COX7B: variants seen among roughly 807,000 people sequenced by gnomAD.
COX7B encodes cytochrome c oxidase subunit 7B, mitochondrial.
In COX7B, 2 loss-of-function variants were observed where a neutral mutation model predicts 7.9. That is an observed-to-expected ratio of 0.25 (90% CI 0.10 to 0.79). The LOEUF (loss-of-function observed/expected upper bound fraction) is 0.79. Ranked by LOEUF, COX7B falls within the 30% of genes least tolerant of loss-of-function variation. The pLI, the probability that COX7B is intolerant of heterozygous loss-of-function variation, is 0.69. For missense variants in COX7B, 54 were observed against 62.7 expected (o/e 0.86, Z 0.47); for synonymous variants, 19 against 21.1 (o/e 0.90, Z 0.27).
At chrX:77,901,405 G>T (rs782004726) in intron 1 of COX7B, among the ~76,000 whole-genome samples, 6 of 107,738 alleles carry the variant, frequency 5.6e-5, no homozygotes, top group Admixed American at 1.0e-4. Context: ...ACCTTTGGAG[G>T]CTCTTTAAAA....
intron 2 of COX7B, 102 bp downstream of exon 2, chrX:77,902,869 G>A: frequency 1.3e-6 from 1 of 793,890 alleles, no homozygotes; most frequent in South Asian, 3.0e-5. Flanking sequence ...TAGTTAGGAG[G>A]GACTTGAGAG....
rs1163815087 is a variant in COX7B at position 77,906,973 on chromosome X, T to A, written c.*1712T>A. 1.0e-5 allele frequency: 1 copy of A among 100,488 alleles called. No individual in the cohort carries two copies. The highest frequency in any genetic ancestry group is 1.9e-5 in the Non-Finnish European group (1 of 52,936). 8.3% of individuals were successfully genotyped at this position (100,488 alleles called of 1,213,427 possible). On this transcript the variant is annotated 3_prime_UTR_variant, in exon 3 of 3. Coordinates refer to ENST00000650309, the MANE Select transcript of COX7B (RefSeq NM_001866.3). ...GCTGAGAGCTGTAGTCTGTGGTAGT[T>A]GTTTTGTTTTGTTTTTTGTTTTTTT...
At position 77,899,529 on chromosome X, in the gene COX7B, C is replaced by T; in HGVS notation, c.-25C>T. 8.3e-7 allele frequency: 1 copy of T among 1,210,573 alleles called. No homozygotes were observed. Among genetic ancestry groups the T allele is most frequent in the Non-Finnish European group, 1.1e-6 (1 of 894,666 alleles). Reference sequence around the variant, plus strand: ...TGGCACCAAAGCAGCAGCTGTATTGCCGCAGTTCTAGCTTCACCTTCACGA... The same window carrying T: ...TGGCACCAAAGCAGCAGCTGTATTGTCGCAGTTCTAGCTTCACCTTCACGA... On this transcript the variant is annotated 5_prime_UTR_variant, in exon 1 of 3. Coordinates refer to ENST00000650309, the MANE Select transcript of COX7B (RefSeq NM_001866.3).
chrX:77,903,437 G>T lies in COX7B; in HGVS notation c.165+670G>T, dbSNP rs1010180957. Among the ~76,000 whole-genome samples, 3 of 109,437 alleles carry T rather than the reference G, an allele frequency of 2.7e-5. No individual in the cohort carries two copies. In the Admixed American group the frequency reaches 3.0e-4, roughly 11 times the overall value. ...TTGAACTCCTGACCTCAGGTGATCC[G>T]CCCGCCTTGGTTTCCCAAAGTGCTA... is the stretch of plus-strand genomic sequence containing the variant. On this transcript the variant is annotated intron_variant, in intron 2 of 2. Coordinates refer to ENST00000650309, the MANE Select transcript of COX7B (RefSeq NM_001866.3).
chrX:77,904,655 G>C (rs1370547927), intron 2 of COX7B, among the ~76,000 whole-genome samples: 2 of 107,436 alleles, frequency 1.9e-5, no homozygotes, highest in East Asian at 2.9e-4. Flanking sequence ...AAAAAAAAAA[G>C]TCTCAAAAAA....
chrX:77,900,442 G>A (rs1335779951), intron 1 of COX7B, among the ~76,000 whole-genome samples: 2 of 112,468 alleles, frequency 1.8e-5, no homozygotes, highest in East Asian at 2.8e-4. Flanking sequence ...GGTTGGGCAG[G>A]TACAGGGAGT....
intron 2 of COX7B, 80 bp from the exon 3 acceptor site, chrX:77,905,104 T>G (rs782800160): frequency 1.2e-6 from 1 of 802,872 alleles, no homozygotes; most frequent in East Asian, 3.2e-5. Context: ...GAACAGAATA[T>G]CTGTCATTTT....
chrX:77,901,678 T>TA lies in COX7B; in HGVS notation c.41-964dup, dbSNP rs781894213. The TA allele has an allele frequency of 2.7e-5, 3 of 111,733 alleles. No individual in the cohort carries two copies. In the East Asian group the frequency reaches 8.4e-4, roughly 31 times the overall value. The allele number at this position is 111,733 out of a possible 1,213,427, so 9.2% of individuals were successfully genotyped here. On this transcript the variant is annotated intron_variant, in intron 1 of 2. Transcript: ENST00000650309. ...ATGTGTAATCCTCTAGACTGGAAGT[T>TA]ACTTGAGGACAGGATCTCTGTCTTA...
intron 1 of COX7B, among the ~76,000 whole-genome samples, chrX:77,899,947 A>T (rs2077116337): frequency 8.9e-6 from 1 of 112,162 alleles, no homozygotes; most frequent in Admixed American, 9.5e-5. Context: ...CCTGTATAGA[A>T]AAATATCTTC....
chrX:77,904,058 G>A lies in COX7B; in HGVS notation c.166-1126G>A, dbSNP rs537012697. Among the ~76,000 whole-genome samples, 19 of 104,657 alleles carry A rather than the reference G, an allele frequency of 1.8e-4. No individual in the cohort carries two copies. The South Asian group carries it at 8.7e-3, about 48-fold the overall frequency. The allele number at this position is 104,657 out of a possible 115,157, so 90.9% of individuals were successfully genotyped here. A position where few individuals can be genotyped will look rare whatever the true frequency, so the allele number is the denominator to read the frequency against. ...CGCCATCCTCCTGCCTCAGCCTTCC[G>A]AGTAGCTGGGACTACAGGTGCCCAC... On this transcript the variant is annotated intron_variant, in intron 2 of 2. Coordinates refer to ENST00000650309, the MANE Select transcript of COX7B (RefSeq NM_001866.3).
intron 1 of COX7B, among the ~76,000 whole-genome samples, chrX:77,900,632 T>C (rs1162203436): frequency 2.7e-5 from 3 of 112,676 alleles, no homozygotes; most frequent in Admixed American, 1.9e-4. Flanking sequence ...AATAGAATCA[T>C]TGGAGGATAT....
In COX7B at chrX:77,905,481, G is replaced by GT. The variant is rs34296412; in HGVS notation, c.*247dup. 0.02 allele frequency: 1,352 copies of GT among 67,156 alleles called. 52 individuals carry two copies. The highest frequency in any genetic ancestry group is 0.03 in the Middle Eastern group (3 of 101). The allele number at this position is 67,156 out of a possible 1,213,427, so 5.5% of individuals were successfully genotyped here. On this transcript the variant is annotated 3_prime_UTR_variant, in exon 3 of 3. Coordinates refer to ENST00000650309, the MANE Select transcript of COX7B (RefSeq NM_001866.3). ...AAATGCTGTGCAGCTTCTTAAATAG[G>GT]TTTTTTTTTTTTTTTTTTTTTTTTT...
chrX:77,902,632 T>G lies in COX7B; in HGVS notation c.41-11T>G. ...ATATGCTTCTGTATTCTTTTTTCGT[T>G]TTCCTGTAAGTTCGAAGCATTCAGC... is the stretch of plus-strand genomic sequence containing the variant. On this transcript the variant is annotated splice_polypyrimidine_tract_variant and intron_variant, in intron 1 of 2. Coordinates refer to ENST00000650309, the MANE Select transcript of COX7B (RefSeq NM_001866.3). The G allele has an allele frequency of 8.3e-7, 1 of 1,208,815 alleles. No individual in the cohort carries two copies. The highest frequency in any genetic ancestry group is 1.1e-6 in the Non-Finnish European group (1 of 894,803).
chrX:77,903,072 C>T, intron 2 of COX7B: 1 of 152,454 alleles, frequency 6.6e-6, no homozygotes, highest in East Asian at 1.5e-4. Flanking sequence ...GTCCCCCAGG[C>T]TGGAGTGCAG....
chrX:77,904,018 C>T lies in COX7B; in HGVS notation c.166-1166C>T, dbSNP rs188623374. Among the ~76,000 whole-genome samples, 77 of 104,354 alleles carry T rather than the reference C, an allele frequency of 7.4e-4. 1 individual carries two copies. Among genetic ancestry groups the T allele is most frequent in the African/African-American group, 2.5e-3 (71 of 28,523 alleles). 90.6% of individuals were successfully genotyped at this position (104,354 alleles called of 115,157 possible). A position where few individuals can be genotyped will look rare whatever the true frequency, so the allele number is the denominator to read the frequency against. The stretch of plus-strand genomic sequence containing the variant: ...CGCGATCTCTGCTCACTGCAAACTC[C>T]GCCTCCCGGGTTCACGCCATCCTCC... On this transcript the variant is annotated intron_variant, in intron 2 of 2. Transcript: ENST00000650309.
chrX:77,902,890 C>G, intron 2 of COX7B, 123 bp downstream of exon 2: 2 of 648,456 alleles, frequency 3.1e-6, no homozygotes, highest in Non-Finnish European at 4.5e-6. Flanking sequence ...ATTGTGTAAT[C>G]TAATTACCCA....
chrX:77,904,556 C>T (rs913337093), intron 2 of COX7B, among the ~76,000 whole-genome samples: 38 of 107,484 alleles, frequency 3.5e-4, no homozygotes, highest in Non-Finnish European at 6.7e-4. Context: ...GCAGGAGAAT[C>T]GCCTGAAGTT....
At position 77,905,481 on chromosome X, in the gene COX7B, GTTTTT is replaced by G. The variant is rs34296412; in HGVS notation, c.*243_*247del. On this transcript the variant is annotated 3_prime_UTR_variant, in exon 3 of 3. Coordinates refer to ENST00000650309, the MANE Select transcript of COX7B (RefSeq NM_001866.3). ...AAATGCTGTGCAGCTTCTTAAATAG[GTTTTT>G]TTTTTTTTTTTTTTTTTTTTTTGGG... 1.7e-3 allele frequency: 112 copies of G among 67,627 alleles called. No homozygotes were observed. The highest frequency in any genetic ancestry group is 3.0e-3 in the South Asian group (8 of 2,648). 5.6% of individuals were successfully genotyped at this position (67,627 alleles called of 1,213,427 possible). A position where few individuals can be genotyped will look rare whatever the true frequency, so the allele number is the denominator to read the frequency against.
At position 77,905,508 on chromosome X, in the gene COX7B, T is replaced by G. The variant is rs1007655319; in HGVS notation, c.*247T>G. On this transcript the variant is annotated 3_prime_UTR_variant, in exon 3 of 3. Coordinates refer to ENST00000650309, the MANE Select transcript of COX7B (RefSeq NM_001866.3). ...TTTTTTTTTTTTTTTTTTTTTTTTT[T>G]GGGACGAAGTCTCACTTTGTCCCCC... is the stretch of plus-strand genomic sequence containing the variant. The G allele has an allele frequency of 6.4e-5, 12 of 187,186 alleles. No individual in the cohort carries two copies. Among genetic ancestry groups the G allele is most frequent in the African/African-American group, 4.4e-4 (9 of 20,480 alleles). 15.4% of individuals were successfully genotyped at this position (187,186 alleles called of 1,213,427 possible).
Sources: allele counts gnomAD v4.1 joint callset (sites outside exome capture counted in the v4.1 genomes callset), GRCh38; gene constraint gnomAD v4.1.1; transcripts MANE v1.5; gene names NCBI Gene and HGNC (gene_info 2026-07-23, HGNC 2026-07-21).